SLC39A11: variants seen among roughly 807,000 people sequenced by gnomAD.
SLC39A11 encodes zinc transporter ZIP11.
Under a neutral mutation model 36.1 loss-of-function variants are expected in SLC39A11, and 33 were observed. The observed-to-expected ratio is 0.91, with a 90% CI of 0.69 to 1.22. SLC39A11 has a LOEUF of 1.22. Among genes scored for constraint, SLC39A11 ranks in the 50% most tolerant of loss-of-function variants. SLC39A11 has a pLI of 0.00. For synonymous variants in SLC39A11, 166 were observed against 170.3 expected (o/e 0.97, Z 0.20); for missense variants, 432 against 430.3 (o/e 1.00, Z -0.03).
At chr17:72,929,112 G>C (rs1422832033) in intron 5 of SLC39A11, among the ~76,000 whole-genome samples, 1 of 152,112 alleles carries the variant, frequency 6.6e-6, no homozygotes, top group Admixed American at 6.5e-5. Flanking sequence ...GCCCCAGGCT[G>C]TCTACTCCAC....
chr17:72,928,481 G>A (rs1352304865), intron 5 of SLC39A11, among the ~76,000 whole-genome samples: 1 of 152,192 alleles, frequency 6.6e-6, no homozygotes, highest in Admixed American at 6.5e-5. Flanking sequence ...ATTCCAAAAT[G>A]TCATATTAAG....
chr17:72,978,966 AAAG>A (rs1285239247), intron 4 of SLC39A11, among the ~76,000 whole-genome samples: 1 of 152,136 alleles, frequency 6.6e-6, no homozygotes, highest in Non-Finnish European at 1.5e-5. Context: ...CAAAGATAAA[AAAG>A]AAGGCCCTTG....
chr17:72,816,863 T>G (rs2077600186), intron 6 of SLC39A11, among the ~76,000 whole-genome samples: 1 of 152,102 alleles, frequency 6.6e-6, no homozygotes, highest in South Asian at 2.1e-4. Flanking sequence ...AAGAACAGAG[T>G]TCTTTTTCCA....
intron 4 of SLC39A11, among the ~76,000 whole-genome samples, chr17:72,953,549 G>A (rs1046663592): frequency 1.3e-5 from 2 of 152,198 alleles, no homozygotes; most frequent in African/African-American, 4.8e-5. Flanking sequence ...AGTGGCTGAT[G>A]TCTCCAGAGC....
chr17:72,691,253 A>T, intron 7 of SLC39A11, among the ~76,000 whole-genome samples: 1 of 152,152 alleles, frequency 6.6e-6, no homozygotes, highest in East Asian at 1.9e-4. Context: ...CTTGAGCTCA[A>T]TCCTGGCTCA....
chr17:72,994,882 G>A (rs1186042743), intron 4 of SLC39A11, among the ~76,000 whole-genome samples: 2 of 152,150 alleles, frequency 1.3e-5, no homozygotes. Flanking sequence ...GAAGGAGGGG[G>A]TTATTTGGGC....
chr17:72,805,497 T>A lies in SLC39A11; in HGVS notation c.601+44137A>T, dbSNP rs192745801. ...GGAACTGGCCACCTACAGTGCCCGA[T>A]CTTCTGTGGCCAGATGTGCTGTCAA... is the stretch of plus-strand genomic sequence containing the variant. On this transcript the variant is annotated intron_variant, in intron 6 of 9. Coordinates refer to ENST00000255559, the MANE Select transcript of SLC39A11 (RefSeq NM_139177.4). 2.0e-3 allele frequency among the ~76,000 whole-genome samples: 305 copies of A among 152,306 alleles called. 2 individuals carry two copies. Among genetic ancestry groups the A allele is most frequent in the African/African-American group, 6.9e-3 (285 of 41,570 alleles).
chr17:72,722,407 C>T (rs943311871), intron 7 of SLC39A11, among the ~76,000 whole-genome samples: 2 of 152,102 alleles, frequency 1.3e-5, no homozygotes, highest in Non-Finnish European at 2.9e-5. Flanking sequence ...TGTCGCATTG[C>T]CCAATGGAGT....
chr17:72,849,537 T>G, intron 6 of SLC39A11, 97 bp downstream of exon 6: 1 of 1,315,010 alleles, frequency 7.6e-7, no homozygotes. Context: ...AGGACCCACG[T>G]CACAATTGCC....
chr17:72,747,724 C>T (rs1338280675), intron 6 of SLC39A11, among the ~76,000 whole-genome samples: 4 of 152,122 alleles, frequency 2.6e-5, no homozygotes, highest in Admixed American at 6.6e-5. Context: ...CCCTGCATGG[C>T]GTGTCTTTGG....
chr17:72,807,075 G>A (rs1413279302), intron 6 of SLC39A11, among the ~76,000 whole-genome samples: 1 of 151,800 alleles, frequency 6.6e-6, no homozygotes, highest in Non-Finnish European at 1.5e-5. Context: ...TTTTATTCTA[G>A]CTATCTTGTT....
intron 5 of SLC39A11, among the ~76,000 whole-genome samples, chr17:72,936,202 A>G (rs2084743432): frequency 6.6e-6 from 1 of 152,014 alleles, no homozygotes; most frequent in Non-Finnish European, 1.5e-5. Context: ...TATCTCCAAA[A>G]CAAGCAAACA....
chr17:72,929,000 AAC>A (rs1285548379), intron 5 of SLC39A11, among the ~76,000 whole-genome samples: 3 of 152,334 alleles, frequency 2.0e-5, no homozygotes, highest in African/African-American at 7.2e-5. Flanking sequence ...GGTCTCCAGC[AAC>A]AGTCTGTAGC....
chr17:72,699,023 G>C (rs188625857), intron 7 of SLC39A11, among the ~76,000 whole-genome samples: 2 of 152,102 alleles, frequency 1.3e-5, no homozygotes, highest in Non-Finnish European at 2.9e-5. Flanking sequence ...TAGAGACGGG[G>C]TTTCACCATG....
intron 7 of SLC39A11, among the ~76,000 whole-genome samples, chr17:72,725,071 C>T (rs1013816143): frequency 2.6e-5 from 4 of 152,194 alleles, no homozygotes; most frequent in Admixed American, 6.5e-5. Context: ...CCCATGCATC[C>T]GGTGGACTTC....
chr17:72,974,776 C>T (rs2087726031), intron 4 of SLC39A11, among the ~76,000 whole-genome samples: 1 of 152,222 alleles, frequency 6.6e-6, no homozygotes, highest in Non-Finnish European at 1.5e-5. Flanking sequence ...TCACCCAGAG[C>T]AACTTCCAGC....
chr17:72,713,790 C>G (rs544693298), intron 7 of SLC39A11, among the ~76,000 whole-genome samples: 1 of 152,332 alleles, frequency 6.6e-6, no homozygotes, highest in South Asian at 2.1e-4. Flanking sequence ...GTGATAATAA[C>G]AGCTATAACT....
intron 5 of SLC39A11, among the ~76,000 whole-genome samples, chr17:72,946,900 C>G (rs377156653): frequency 6.6e-6 from 1 of 152,346 alleles, no homozygotes; most frequent in South Asian, 2.1e-4. Flanking sequence ...CATCTCTCCC[C>G]ACCCAGCTTC....
intron 7 of SLC39A11, among the ~76,000 whole-genome samples, chr17:72,694,290 A>G (rs552975797): frequency 6.6e-6 from 1 of 152,354 alleles, no homozygotes; most frequent in Admixed American, 6.5e-5. Flanking sequence ...TGAAAACCAA[A>G]GATGGTGCTT....
Sources: allele counts gnomAD v4.1 joint callset (sites outside exome capture counted in the v4.1 genomes callset), GRCh38; gene constraint gnomAD v4.1.1; transcripts MANE v1.5; gene names NCBI Gene and HGNC (gene_info 2026-07-23, HGNC 2026-07-21).